The following LRBA variants were observed in gnomAD, a reference collection of about 807,000 sequenced individuals.
LRBA encodes the protein lipopolysaccharide-responsive and beige-like anchor protein.
Under a neutral mutation model 330.0 loss-of-function variants are expected in LRBA, and 176 were observed. That is an observed-to-expected ratio of 0.53 (90% CI 0.47 to 0.60). LRBA has a LOEUF of 0.60. Ranked by LOEUF, LRBA falls within the 20% of genes least tolerant of loss-of-function variation. LRBA has a pLI of 0.00. For synonymous variants in LRBA, 1,230 were observed against 1,193.0 expected (o/e 1.03, Z -0.64); for missense variants, 3,259 against 3,444.8 (o/e 0.95, Z 1.35).
Position 150,905,880 on chromosome 4 carries a change from G to T in LRBA, c.1713C>A (p.His571Gln). ...GMPLLKQLCD[H>Q]VLLNPAIWIH... ...TCCATATGGCAGGATTAAGAAGAAC[G>T]TGATCACACAATTGCTTGAGCAGGG... Residue 571 changes from histidine to glutamine, a missense_variant, in exon 13 of 57, where the codon CAC (histidine) becomes CAA (glutamine). By Grantham distance (24) the His-to-Gln change is conservative (BLOSUM62 0). Coordinates refer to ENST00000651943, the MANE Select transcript of LRBA (RefSeq NM_001364905.1). 1 of 1,613,604 alleles carries T rather than the reference G, an allele frequency of 6.2e-7. No homozygotes were observed. Among genetic ancestry groups the T allele is most frequent in the South Asian group, 1.1e-5 (1 of 91,034 alleles).
At chr4:150,436,946 T>C (rs1457329240) in intron 44 of LRBA, 82 bp from the exon 45 acceptor site, 3 of 1,261,752 alleles carry the variant, frequency 2.4e-6, no homozygotes, top group African/African-American at 3.0e-5. Context: ...GATATCCTAC[T>C]GGTAAGTATA....
chr4:150,405,970 G>C (rs1440955691), intron 47 of LRBA, among the ~76,000 whole-genome samples: 1 of 152,110 alleles, frequency 6.6e-6, no homozygotes, highest in Non-Finnish European at 1.5e-5. Context: ...TGAGAAGATC[G>C]TTTGAGCCCA....
intron 46 of LRBA, chr4:150,422,892 G>T: frequency 1.1e-6 from 1 of 906,314 alleles, no homozygotes; most frequent in South Asian, 1.3e-5. Flanking sequence ...AGGCACTCAG[G>T]ACTGAACCAA....
chr4:150,343,024 C>G (rs953142921), intron 48 of LRBA, among the ~76,000 whole-genome samples: 2 of 139,354 alleles, frequency 1.4e-5, no homozygotes, highest in African/African-American at 5.5e-5. Context: ...AAACAAGATT[C>G]TGAAGAAAAG....
chr4:150,360,080 G>C (rs1349213760), intron 47 of LRBA, among the ~76,000 whole-genome samples: 1 of 152,060 alleles, frequency 6.6e-6, no homozygotes, highest in East Asian at 1.9e-4. Flanking sequence ...TTTTATACCA[G>C]TTTTGTCCAA....
At chr4:150,808,083 T>C (rs1743062087) in intron 32 of LRBA, among the ~76,000 whole-genome samples, 1 of 152,164 alleles carries the variant, frequency 6.6e-6, no homozygotes, top group Non-Finnish European at 1.5e-5. Context: ...AATAGTCACT[T>C]CTCATGAAGT....
At chr4:150,700,674 C>CT (rs1017566836) in intron 36 of LRBA, among the ~76,000 whole-genome samples, 2 of 151,490 alleles carry the variant, frequency 1.3e-5, no homozygotes, top group African/African-American at 4.9e-5. Context: ...TTGTTTAACT[C>CT]TTTTTTAATA....
At chr4:150,408,595 G>C (rs183797421) in intron 47 of LRBA, among the ~76,000 whole-genome samples, 10 of 152,100 alleles carry the variant, frequency 6.6e-5, no homozygotes, top group African/African-American at 2.4e-4. Context: ...CAAAAAAACT[G>C]CAAACTAATA....
At chr4:150,766,351 G>C (rs1735764805) in intron 34 of LRBA, among the ~76,000 whole-genome samples, 1 of 151,874 alleles carries the variant, frequency 6.6e-6, no homozygotes. Flanking sequence ...ATATACAAAT[G>C]CATACTAAAA....
chr4:150,278,278 G>C (rs1360944913), intron 55 of LRBA, among the ~76,000 whole-genome samples: 1 of 152,230 alleles, frequency 6.6e-6, no homozygotes, highest in Non-Finnish European at 1.5e-5. Context: ...CTGGAATGGT[G>C]TGTGTTGTGG....
At chr4:150,802,350 GTTTT>G (rs981953617) in intron 33 of LRBA, among the ~76,000 whole-genome samples, 1 of 144,556 alleles carries the variant, frequency 6.9e-6, no homozygotes, top group Non-Finnish European at 1.5e-5. Flanking sequence ...GCATTCGTGG[GTTTT>G]TTTTTTTTAA....
At chr4:150,540,207 G>A (rs547340020) in intron 40 of LRBA, among the ~76,000 whole-genome samples, 25 of 152,264 alleles carry the variant, frequency 1.6e-4, no homozygotes, top group African/African-American at 5.8e-4. Context: ...CATTTGGGAT[G>A]GGTTTTTATG....
chr4:150,332,063 A>C (rs184180082), intron 48 of LRBA, among the ~76,000 whole-genome samples: 2 of 152,286 alleles, frequency 1.3e-5, no homozygotes, highest in East Asian at 3.9e-4. Context: ...TAAGTGTGTG[A>C]TATTATTACA....
At chr4:150,922,683 C>A (rs1258420096) in intron 4 of LRBA, among the ~76,000 whole-genome samples, 1 of 151,720 alleles carries the variant, frequency 6.6e-6, no homozygotes, top group South Asian at 2.1e-4. Context: ...GCTCAGGTGA[C>A]GGGTGCACCA....
At chr4:150,697,877 C>T (rs4235251) in intron 36 of LRBA, among the ~76,000 whole-genome samples, 107,986 of 151,742 alleles carry the variant, frequency 0.71, 42,975 homozygotes, top group Non-Finnish European at 0.9. Context: ...GATGACATTG[C>T]CAGACATTCA....
intron 37 of LRBA, among the ~76,000 whole-genome samples, chr4:150,658,845 C>T (rs1314886268): frequency 3.3e-5 from 1 of 30,282 alleles, no homozygotes; most frequent in African/African-American, 4.7e-5. Context: ...TGCATCCTCC[C>T]TGCCTGATTC....
At chr4:150,981,669 A>G (rs1740850832) in intron 2 of LRBA, among the ~76,000 whole-genome samples, 1 of 152,006 alleles carries the variant, frequency 6.6e-6, no homozygotes, top group South Asian at 2.1e-4. Context: ...TGCCAAGAAC[A>G]CACATTGGGG....
chr4:150,591,554 G>C (rs1772834217), intron 38 of LRBA, among the ~76,000 whole-genome samples: 1 of 152,154 alleles, frequency 6.6e-6, no homozygotes, highest in Non-Finnish European at 1.5e-5. Flanking sequence ...TGGAAACTAA[G>C]TGGAAGCTCA....
chr4:150,855,285 C>T (rs1343579943), intron 22 of LRBA, among the ~76,000 whole-genome samples: 1 of 152,066 alleles, frequency 6.6e-6, no homozygotes, highest in Non-Finnish European at 1.5e-5. Context: ...ACTGGTTAGC[C>T]TACTTTTTGG....
Sources: allele counts gnomAD v4.1 joint callset (sites outside exome capture counted in the v4.1 genomes callset), GRCh38; gene constraint gnomAD v4.1.1; transcripts MANE v1.5; gene names NCBI Gene and HGNC (gene_info 2026-07-23, HGNC 2026-07-21).